Variants in TTF2 observed in about 807,000 individuals in gnomAD.
The protein encoded by TTF2 is RNA polymerase II termination factor.
TTF2 carries 108 observed loss-of-function variants against 142.4 expected under a neutral mutation model. That is an observed-to-expected ratio of 0.76 (90% confidence interval 0.65 to 0.89). The LOEUF (loss-of-function observed/expected upper bound fraction) is 0.89. TTF2 is among the 40% of genes least tolerant of loss of function. The probability of loss-of-function intolerance (pLI) is 0.00; values close to 1 mark genes in which losing one functional copy is unlikely to be tolerated. For synonymous variants in TTF2, 483 were observed against 506.2 expected, an observed-to-expected ratio of 0.95 and a Z score of 0.61; for missense variants, 1,327 against 1,379.8, an observed-to-expected ratio of 0.96 and a Z score of 0.61.
chr1:117,076,610 T>G lies in TTF2; in HGVS notation c.1391-31T>G. The G allele has an allele frequency of 6.3e-7, 1 of 1,580,316 alleles. No individual in the cohort carries two copies. The highest frequency in any genetic ancestry group is 2.2e-5 in the East Asian group (1 of 44,578). On this transcript the variant is annotated intron_variant, in intron 6 of 22. Transcript: ENST00000369466. This position sits in a 1 kb window ranked among gnomAD's most constrained non-coding sequence, Gnocchi z 4.6. ...GTCCCTTCACTTAGTTTGCTGAACT[T>G]TAATCTGCTCTTCCCTTGTTTTCTG...
Position 117,086,291 on chromosome 1 carries a change from CAAGTT to C in TTF2, c.2055-123_2055-119del. On this transcript the variant is annotated intron_variant, in intron 11 of 22. Coordinates refer to ENST00000369466, the MANE Select transcript of TTF2 (RefSeq NM_003594.4). The surrounding 1 kb of genome is among the most constrained non-coding windows in gnomAD (Gnocchi z 4.2). ...TGTGTGCGTGTGTGTGTTAAGGACA[CAAGTT>C]AATGAGTTCTGCTGTTTGTCCTTCC... 1.6e-6 allele frequency: 1 copy of C among 644,648 alleles called. No homozygotes were observed. The allele number at this position is 644,648 out of a possible 1,614,324, so 39.9% of individuals were successfully genotyped here. A position where few individuals can be genotyped will look rare whatever the true frequency, so the allele number is the denominator to read the frequency against.
In TTF2 at chr1:117,084,028, C is replaced by G; in HGVS notation, c.1914C>G (p.Asp638Glu). The G allele has an allele frequency of 5.0e-6, 8 of 1,614,144 alleles. No individual in the cohort carries two copies. Among genetic ancestry groups the G allele is most frequent in the Non-Finnish European group, 6.8e-6 (8 of 1,180,014 alleles). The part of the protein sequence containing the change: ...LTWLSKDDSC[D>E]FTSHGTLIIC... ...TTTTCCCTTCTCAAGACTCTTGTGA[C>G]TTTACTTCCCATGGAACACTAATCA... The change falls in exon 11 of 23, where the codon GAC (aspartate) becomes GAG (glutamate). Residue 638 changes from aspartate (D) to glutamate (E), a missense_variant. Asp to Glu is a conservative substitution (Grantham distance 45, BLOSUM62 2). Coordinates refer to ENST00000369466, the MANE Select transcript of TTF2 (RefSeq NM_003594.4).
In TTF2 at chr1:117,073,602, T is replaced by C; in HGVS notation, c.219-59T>C. The stretch of plus-strand genomic sequence containing the variant: ...TGTTTTCTTGGATTAAAAATAAGCT[T>C]ATCTCTTGTTCTAATGGATTTTCAT... On this transcript the variant is annotated intron_variant, in intron 3 of 22. Coordinates refer to ENST00000369466, the MANE Select transcript of TTF2 (RefSeq NM_003594.4). The surrounding 1 kb of genome is among the most constrained non-coding windows in gnomAD (Gnocchi z 4.4). 1 of 1,495,326 alleles carries C rather than the reference T, an allele frequency of 6.7e-7. No homozygotes were observed. The highest frequency in any genetic ancestry group is 9.1e-7 in the Non-Finnish European group (1 of 1,094,570). The allele number at this position is 1,495,326 out of a possible 1,614,324, so 92.6% of individuals were successfully genotyped here. A position where few individuals can be genotyped will look rare whatever the true frequency, so the allele number is the denominator to read the frequency against.
At position 117,098,878 on chromosome 1, in the gene TTF2, A is replaced by G. The variant is rs1314514683; in HGVS notation, c.3315A>G (p.Val1105=). Residue 1105 remains valine (V), a synonymous_variant, in exon 22 of 23, where the codon GTA becomes GTG. Transcript: ENST00000369466. ...AAGCTTGTGACCGAATTTACCGAGT[A>G]GGGCAGCAGAAAGATGTTGTCATAC... ...EDQACDRIYR[V]GQQKDVVIHR... The G allele has an allele frequency of 6.2e-7, 1 of 1,612,926 alleles. No homozygotes were observed. Among genetic ancestry groups the G allele is most frequent in the Admixed American group, 1.7e-5 (1 of 59,868 alleles).
chr1:117,088,733 C>A, intron 12 of TTF2, 68 bp from the exon 13 acceptor site: 1 of 1,530,476 alleles, frequency 6.5e-7, no homozygotes, highest in Non-Finnish European at 8.8e-7. Context: ...CTGCTATTTC[C>A]CCTTGTGTCC....
Position 117,099,438 on chromosome 1 carries a change from A to G in TTF2, c.3344+531A>G, listed in dbSNP as rs1649409833. The stretch of plus-strand genomic sequence containing the variant: ...AATAAAACACTATTATCTGATCTAC[A>G]GATCTTTTCAATCTCACTTGTCTCA... On this transcript the variant is annotated intron_variant, in intron 22 of 22. Coordinates refer to ENST00000369466, the MANE Select transcript of TTF2 (RefSeq NM_003594.4). This position sits in a 1 kb window ranked among gnomAD's most constrained non-coding sequence, Gnocchi z 4.3. Among the ~76,000 whole-genome samples, 1 of 152,226 alleles carries G rather than the reference A, an allele frequency of 6.6e-6. No homozygotes were observed.
chr1:117,076,960 C>G lies in TTF2; in HGVS notation c.1573+137C>G. The G allele has an allele frequency of 3.4e-6, 2 of 580,546 alleles. No individual in the cohort carries two copies. The allele number at this position is 580,546 out of a possible 1,614,324, so 36.0% of individuals were successfully genotyped here. On this transcript the variant is annotated intron_variant, in intron 7 of 22. Coordinates refer to ENST00000369466, the MANE Select transcript of TTF2 (RefSeq NM_003594.4). The surrounding 1 kb of genome is among the most constrained non-coding windows in gnomAD (Gnocchi z 4.6). The stretch of plus-strand genomic sequence containing the variant: ...GGTTCAAAAAAAGGTGAGTACAGTA[C>G]AGTAAGATATTTTGAGAGAGAAAGA...
Position 117,075,237 on chromosome 1 carries a change from A to C in TTF2, c.653A>C (p.Glu218Ala). 6.2e-7 allele frequency: 1 copy of C among 1,614,236 alleles called. No individual in the cohort carries two copies. Among genetic ancestry groups the C allele is most frequent in the Non-Finnish European group, 8.5e-7 (1 of 1,180,036 alleles). The change falls in exon 5 of 23, where the codon GAA becomes GCA. Residue 218 changes from glutamate to alanine, a missense_variant. By Grantham distance (107) the Glu-to-Ala change is moderately radical. Transcript: ENST00000369466. The surrounding 1 kb of genome is among the most constrained non-coding windows in gnomAD (Gnocchi z 4.5). ...TGGTHKRDFS[E>A]IKSQQCQGNE... ...GGCACACACAAAAGAGACTTTTCTG[A>C]AATTAAATCTCAACAGTGCCAAGGT...
Position 117,090,354 on chromosome 1 carries a change from A to C in TTF2, c.2496+146A>C. 1 of 1,252,256 alleles carries C rather than the reference A, an allele frequency of 8.0e-7. No homozygotes were observed. Among genetic ancestry groups the C allele is most frequent in the Non-Finnish European group, 1.1e-6 (1 of 896,400 alleles). The allele number at this position is 1,252,256 out of a possible 1,614,324, so 77.6% of individuals were successfully genotyped here. A position where few individuals can be genotyped will look rare whatever the true frequency, so the allele number is the denominator to read the frequency against. On this transcript the variant is annotated intron_variant, in intron 14 of 22. Transcript: ENST00000369466. This position sits in a 1 kb window ranked among gnomAD's most constrained non-coding sequence, Gnocchi z 4.8. ...GAGGAGGCCCCAGGGTTGCAGTTCC[A>C]TGCCTAGTGTCATAGCAATCCAGTT... is the stretch of plus-strand genomic sequence containing the variant.
At chr1:117,062,499 G>T in intron 3 of TTF2, 26 bp downstream of exon 3, 3 of 1,546,102 alleles carry the variant, frequency 1.9e-6, no homozygotes, top group Non-Finnish European at 2.6e-6. Context: ...GAACATCTAA[G>T]TGTATTTGCT....
At chr1:117,062,575 A>G in intron 3 of TTF2, 102 bp downstream of exon 3, 1 of 1,186,556 alleles carries the variant, frequency 8.4e-7, no homozygotes, top group Admixed American at 3.2e-5. Context: ...TTTAAAAGTC[A>G]TTTTAAAAAA....
rs181113018 is a variant in TTF2, at chr1:117,099,924, C to T, written c.3344+1017C>T. 9.6e-4 allele frequency among the ~76,000 whole-genome samples: 147 copies of T among 152,338 alleles called. 4 individuals are homozygous for T. The highest frequency in any genetic ancestry group is 9.0e-3 in the Admixed American group (138 of 15,302). Reference sequence around the variant, plus strand: ...TCTCTGCTCATTCTGTACATTCCTTCCTTCACAAATTCTGTGCACTCCAGT... The same window carrying T: ...TCTCTGCTCATTCTGTACATTCCTTTCTTCACAAATTCTGTGCACTCCAGT... On this transcript the variant is annotated intron_variant, in intron 22 of 22. Coordinates refer to ENST00000369466, the MANE Select transcript of TTF2 (RefSeq NM_003594.4). The surrounding 1 kb of genome is among the most constrained non-coding windows in gnomAD (Gnocchi z 4.3).
At chr1:117,061,933 G>A (rs1655718078) in intron 2 of TTF2, among the ~76,000 whole-genome samples, 1 of 152,174 alleles carries the variant, frequency 6.6e-6, no homozygotes, top group Non-Finnish European at 1.5e-5. Context: ...TAAGTTGGAA[G>A]GGAGTGATTA....
chr1:117,076,373 ATGTG>A lies in TTF2; in HGVS notation c.1390+81_1390+84del. On this transcript the variant is annotated intron_variant, in intron 6 of 22. Coordinates refer to ENST00000369466, the MANE Select transcript of TTF2 (RefSeq NM_003594.4). This position sits in a 1 kb window ranked among gnomAD's most constrained non-coding sequence, Gnocchi z 4.6. ...ATTCGGGAAGCCCTTTTAATAAAGA[ATGTG>A]TTGATTCATTCACTTTTCCATTTTA... The A allele has an allele frequency of 8.6e-7, 1 of 1,164,866 alleles. No individual in the cohort carries two copies. The highest frequency in any genetic ancestry group is 2.4e-5 in the Admixed American group (1 of 41,852). The allele number at this position is 1,164,866 out of a possible 1,614,324, so 72.2% of individuals were successfully genotyped here. A position where few individuals can be genotyped will look rare whatever the true frequency, so the allele number is the denominator to read the frequency against.
In TTF2 at chr1:117,086,662, G is replaced by T; in HGVS notation, c.2160+140G>T. The T allele has an allele frequency of 6.3e-6, 4 of 638,412 alleles. No homozygotes were observed. Among genetic ancestry groups the T allele is most frequent in the South Asian group, 3.8e-5 (2 of 53,324 alleles). 39.5% of individuals were successfully genotyped at this position (638,412 alleles called of 1,614,324 possible). ...AATGATCCGCATGTGGAAAGGAATT[G>T]TTCTTTCCTCTATCCCATCACCCTT... On this transcript the variant is annotated intron_variant, in intron 12 of 22. Transcript: ENST00000369466. This position sits in a 1 kb window ranked among gnomAD's most constrained non-coding sequence, Gnocchi z 4.2.
rs776155347 is a variant in TTF2 at position 117,076,267 on chromosome 1, A to G, written c.1363A>G (p.Ser455Gly). The change falls in exon 6 of 23, where the codon AGT (serine) becomes GGT (glycine). Residue 455 changes from serine to glycine, a missense_variant. Ser to Gly is a moderately conservative substitution (Grantham distance 56, BLOSUM62 0). Transcript: ENST00000369466. This position sits in a 1 kb window ranked among gnomAD's most constrained non-coding sequence, Gnocchi z 4.6. ...KQIQELEEVL[S>G]GLTLSPEQGT... is the part of the protein sequence containing the mutation. ...AATCCAGGAGCTGGAGGAAGTACTC[A>G]GTGGTCTTACCCTTTCCCCAGAGCA... The G allele has an allele frequency of 1.2e-6, 2 of 1,613,988 alleles. No individual in the cohort carries two copies. The highest frequency in any genetic ancestry group is 1.3e-5 in the African/African-American group (1 of 75,056).
chr1:117,084,927 G>C lies in TTF2; in HGVS notation c.2054+759G>C, dbSNP rs539259556. On this transcript the variant is annotated intron_variant, in intron 11 of 22. Coordinates refer to ENST00000369466, the MANE Select transcript of TTF2 (RefSeq NM_003594.4). The stretch of plus-strand genomic sequence containing the variant: ...GCAGTCTTTCAGGAGTAAGTTGTTA[G>C]ATTGGTGCCCCTCTGTCTTATGACA... 2.0e-5 allele frequency among the ~76,000 whole-genome samples: 3 copies of C among 152,310 alleles called. 1 individual carries two copies. The South Asian group carries it at 6.2e-4, about 32-fold the overall frequency.
At position 117,085,153 on chromosome 1, in the gene TTF2, G is replaced by A. The variant is rs143910477; in HGVS notation, c.2054+985G>A. On this transcript the variant is annotated intron_variant, in intron 11 of 22. Transcript: ENST00000369466. This position sits in a 1 kb window ranked among gnomAD's most constrained non-coding sequence, Gnocchi z 4.7. Reference sequence around the variant, plus strand: ...GGTATTTAGAATGTACTAGTTGACCGATTAGAATCATTCTGAATTATACTT... The same window carrying A: ...GGTATTTAGAATGTACTAGTTGACCAATTAGAATCATTCTGAATTATACTT... 6.0e-4 allele frequency among the ~76,000 whole-genome samples: 91 copies of A among 152,324 alleles called. No homozygotes were observed. In the East Asian group the frequency reaches 9.1e-3, roughly 15 times the overall value.
chr1:117,095,439 T>C, intron 19 of TTF2, 72 bp downstream of exon 19: 1 of 1,420,554 alleles, frequency 7.0e-7, no homozygotes, highest in Non-Finnish European at 9.9e-7. Flanking sequence ...CCAAGAGTTA[T>C]AAATCAAGGA....
Sources: allele counts gnomAD v4.1 joint callset (sites outside exome capture counted in the v4.1 genomes callset), GRCh38; gene constraint gnomAD v4.1.1; non-coding constraint Gnocchi (gnomAD v3.1); transcripts MANE v1.5; gene names NCBI Gene and HGNC (gene_info 2026-07-23, HGNC 2026-07-21).